NBEAL1: variants seen among roughly 807,000 people sequenced by gnomAD.
The protein encoded by NBEAL1 is neurobeachin-like protein 1.
A neutral mutation model predicts 351.3 loss-of-function variants in NBEAL1; 273 were observed. The observed-to-expected ratio is 0.78, with a 90% confidence interval of 0.70 to 0.86. The LOEUF (loss-of-function observed/expected upper bound fraction) is 0.86. NBEAL1 is among the 40% of genes least tolerant of loss of function. The probability of loss-of-function intolerance (pLI) is 0.00; values close to 1 mark genes in which losing one functional copy is unlikely to be tolerated. For missense variants in NBEAL1, 2,961 were observed against 3,201.3 expected, an observed-to-expected ratio of 0.92 and a Z score of 1.81; for synonymous variants, 1,050 against 1,086.4, an observed-to-expected ratio of 0.97 and a Z score of 0.66.
intron 2 of NBEAL1, among the ~76,000 whole-genome samples, chr2:203,034,063 C>T (rs1001708730): frequency 2.0e-5 from 3 of 151,796 alleles, no homozygotes; most frequent in Admixed American, 1.3e-4. Flanking sequence ...CCTCTTTTCT[C>T]TTGAACAATG....
At chr2:203,149,221 C>T (rs2063587583) in intron 34 of NBEAL1, 73 bp downstream of exon 34, 1 of 1,041,768 alleles carries the variant, frequency 9.6e-7, no homozygotes, top group East Asian at 2.6e-5. Context: ...GAGCAAATGC[C>T]CCCTTTCACT....
intron 6 of NBEAL1, among the ~76,000 whole-genome samples, chr2:203,057,839 GT>G (rs1310257329): frequency 3.1e-5 from 3 of 95,946 alleles, no homozygotes; most frequent in Non-Finnish European, 4.7e-5. Context: ...TTTTTTTTTT[GT>G]TTTTTTGTCT....
intron 51 of NBEAL1, among the ~76,000 whole-genome samples, chr2:203,203,690 A>G (rs1020874691): frequency 6.6e-6 from 1 of 152,088 alleles, no homozygotes; most frequent in Non-Finnish European, 1.5e-5. Flanking sequence ...CGGGTGACTG[A>G]GCAAGATCCT....
At chr2:203,156,249 C>T (rs1324253020) in intron 35 of NBEAL1, among the ~76,000 whole-genome samples, 1 of 152,162 alleles carries the variant, frequency 6.6e-6, no homozygotes, top group African/African-American at 2.4e-5. Context: ...GATTCTATCT[C>T]TTACATAACT....
intron 3 of NBEAL1, among the ~76,000 whole-genome samples, chr2:203,043,324 A>G (rs1245430812): frequency 6.6e-6 from 1 of 152,200 alleles, no homozygotes; most frequent in Admixed American, 6.6e-5. Context: ...CTTTTTAGAT[A>G]AAGTTTTTTC....
intron 8 of NBEAL1, among the ~76,000 whole-genome samples, chr2:203,078,992 ATT>A (rs934968706): frequency 6.6e-6 from 1 of 152,228 alleles, no homozygotes; most frequent in African/African-American, 2.4e-5. Flanking sequence ...CATAAATGAT[ATT>A]TTGAGTGACT....
At chr2:203,111,547 T>C (rs957774163) in intron 15 of NBEAL1, among the ~76,000 whole-genome samples, 1 of 151,900 alleles carries the variant, frequency 6.6e-6, no homozygotes, top group Non-Finnish European at 1.5e-5. Context: ...ATGTTTGTAT[T>C]TTTTAGTAGA....
chr2:203,099,607 G>T (rs2062265151), intron 11 of NBEAL1, 22 bp from the exon 12 acceptor site: 1 of 1,480,642 alleles, frequency 6.8e-7, no homozygotes, highest in Non-Finnish European at 9.1e-7. Flanking sequence ...TTAATTTCTT[G>T]TTTCCCCTTC....
intron 31 of NBEAL1, among the ~76,000 whole-genome samples, chr2:203,141,366 ATTTTT>A (rs71034219): frequency 4.8e-3 from 44 of 9,084 alleles, no homozygotes; most frequent in South Asian, 0.027. Context: ...TATTATTATT[ATTTTT>A]TTTTTTTTTT....
chr2:203,120,878 G>A (rs1001471398), intron 18 of NBEAL1, among the ~76,000 whole-genome samples: 2 of 152,114 alleles, frequency 1.3e-5, no homozygotes, highest in African/African-American at 2.4e-5. Flanking sequence ...TCTCGGAGAC[G>A]GATAACGTTT....
At chr2:203,064,678 G>A (rs1301471795) in intron 6 of NBEAL1, among the ~76,000 whole-genome samples, 1 of 152,104 alleles carries the variant, frequency 6.6e-6, no homozygotes, top group Non-Finnish European at 1.5e-5. Flanking sequence ...ATATCACAAA[G>A]TGGGGTTATG....
In NBEAL1 at chr2:203,136,588, A is replaced by T. The variant is rs745565721; in HGVS notation, c.4390-11A>T. 3.8e-6 allele frequency: 6 copies of T among 1,585,340 alleles called. No homozygotes were observed. Among genetic ancestry groups the T allele is most frequent in the Non-Finnish European group, 8.6e-7 (1 of 1,160,054 alleles). On this transcript the variant is annotated splice_polypyrimidine_tract_variant and intron_variant, in intron 28 of 55. Transcript: ENST00000683969. ...CTCTAGTTATTTAAAATTACTTTAT[A>T]TTTTCCATAGAGATGTGAGGAGGAG...
chr2:203,191,233 A>G lies in NBEAL1; in HGVS notation c.6921+844A>G, dbSNP rs991146582. 45 of 1,497,672 alleles carry G rather than the reference A, an allele frequency of 3.0e-5. No homozygotes were observed. In the African/African-American group the frequency reaches 5.3e-4, roughly 18 times the overall value. 92.8% of individuals were successfully genotyped at this position (1,497,672 alleles called of 1,614,324 possible). On this transcript the variant is annotated intron_variant, in intron 46 of 55. Coordinates refer to ENST00000683969, the MANE Select transcript of NBEAL1 (RefSeq NM_001378026.1). ...TGATGGCCGCCATCCTCATGACATCATCGATGACATCAACAGTGGTGCTGT... is the reference window on the plus strand; with the variant it reads ...TGATGGCCGCCATCCTCATGACATCGTCGATGACATCAACAGTGGTGCTGT...
intron 10 of NBEAL1, among the ~76,000 whole-genome samples, chr2:203,089,888 ATTCTT>A (rs1302741370): frequency 6.6e-6 from 1 of 152,158 alleles, no homozygotes; most frequent in Admixed American, 6.5e-5. Context: ...TTTGAAAGTG[ATTCTT>A]TTCATTTTCT....
intron 11 of NBEAL1, among the ~76,000 whole-genome samples, chr2:203,099,405 A>G (rs964608068): frequency 6.6e-6 from 1 of 152,154 alleles, no homozygotes; most frequent in African/African-American, 2.4e-5. Flanking sequence ...TTTTAATGTA[A>G]TAAGTGAATG....
At chr2:203,197,235 G>A (rs1015682695) in intron 47 of NBEAL1, 67 bp from the exon 48 acceptor site, 20 of 845,428 alleles carry the variant, frequency 2.4e-5, no homozygotes, top group South Asian at 1.1e-4. Flanking sequence ...TTAAAGAGAC[G>A]GTTTTCAGTA....
At chr2:203,122,089 A>AT (rs1161549828) in intron 18 of NBEAL1, among the ~76,000 whole-genome samples, 165 bp from the exon 19 acceptor site, 1 of 152,122 alleles carries the variant, frequency 6.6e-6, no homozygotes, top group African/African-American at 2.4e-5. Flanking sequence ...CCCGGCCCTG[A>AT]TTCTTTCTTT....
At chr2:203,178,301 A>G (rs1417439942) in intron 42 of NBEAL1, among the ~76,000 whole-genome samples, 2 of 151,530 alleles carry the variant, frequency 1.3e-5, no homozygotes, top group Non-Finnish European at 2.9e-5. Context: ...AGTAGCTGGG[A>G]TTCTAGGTGT....
intron 27 of NBEAL1, 27 bp from the exon 28 acceptor site, chr2:203,135,650 A>ACATAGT: frequency 2.8e-6 from 4 of 1,413,130 alleles, no homozygotes; most frequent in Non-Finnish European, 3.8e-6. Context: ...CTTTTTGAAG[A>ACATAGT]ATTTTGTATT....
Sources: allele counts gnomAD v4.1 joint callset (sites outside exome capture counted in the v4.1 genomes callset), GRCh38; gene constraint gnomAD v4.1.1; transcripts MANE v1.5; gene names NCBI Gene and HGNC (gene_info 2026-07-23, HGNC 2026-07-21).